CHD6: variants seen among roughly 807,000 people sequenced by gnomAD.
CHD6 encodes ATP-dependent chromatin remodeler CHD6.
In CHD6, 50 loss-of-function variants were observed where a neutral mutation model predicts 276.9. That is an observed-to-expected ratio of 0.18 (90% CI 0.14 to 0.23). The LOEUF (loss-of-function observed/expected upper bound fraction) is 0.23. Ranked by LOEUF, CHD6 falls within the 10% of genes least tolerant of loss-of-function variation. The pLI is 1.00. For missense variants in CHD6, 2,564 were observed against 3,365.8 expected, an observed-to-expected ratio of 0.76 and a Z score of 5.89; for synonymous variants, 1,173 against 1,229.3, an observed-to-expected ratio of 0.95 and a Z score of 0.96.
intron 17 of CHD6, among the ~76,000 whole-genome samples, chr20:41,457,822 A>G (rs1036487730): frequency 6.6e-6 from 1 of 152,152 alleles, no homozygotes; most frequent in Non-Finnish European, 1.5e-5. Flanking sequence ...TGCTACTGAA[A>G]TTTTCAAACA....
chr20:41,499,571 T>C (rs1311659348), intron 5 of CHD6, among the ~76,000 whole-genome samples: 2 of 152,178 alleles, frequency 1.3e-5, no homozygotes, highest in Non-Finnish European at 2.9e-5. Context: ...GACACAACTC[T>C]ACAAGAGCAG....
At position 41,484,348 on chromosome 20, in the gene CHD6, T is replaced by G. The variant is rs950822012; in HGVS notation, c.2257+4A>C. Reference sequence around the variant, plus strand: ...TGAGTTACTTCCTAGTGCCCCTGACTCACCATTGATCAGGTAGGGATGGTT... The same window carrying G: ...TGAGTTACTTCCTAGTGCCCCTGACGCACCATTGATCAGGTAGGGATGGTT... On this transcript the variant is annotated splice_donor_region_variant and intron_variant, in intron 15 of 36. Transcript: ENST00000373233. 1 of 1,613,702 alleles carries G rather than the reference T, an allele frequency of 6.2e-7. No homozygotes were observed. Among genetic ancestry groups the G allele is most frequent in the Non-Finnish European group, 8.5e-7 (1 of 1,179,714 alleles).
chr20:41,405,210 C>A lies in CHD6; in HGVS notation c.7531G>T (p.Val2511Phe). 1.2e-6 allele frequency: 2 copies of A among 1,614,224 alleles called. No individual in the cohort carries two copies. The highest frequency in any genetic ancestry group is 1.7e-6 in the Non-Finnish European group (2 of 1,180,042). Reference sequence around the variant, plus strand: ...GGCAGCATGCTCAGGGTACTTTTGACCTCTTCACCTGTTGGCATCGTGGCA... The same window carrying A: ...GGCAGCATGCTCAGGGTACTTTTGAACTCTTCACCTGTTGGCATCGTGGCA... ...GFATMPTGEE[V>F]KSTLSMLPMM... The change falls in exon 37 of 37, where the codon GTC becomes TTC. Residue 2511 changes from valine to phenylalanine, a missense_variant. By Grantham distance (50) the Val-to-Phe change is conservative. This residue lies in a region of CHD6 where 238 missense variants were observed against 266.0 expected (regional missense o/e 0.89). Coordinates refer to ENST00000373233, the MANE Select transcript of CHD6 (RefSeq NM_032221.5).
chr20:41,616,010 G>A (rs2045931817), intron 1 of CHD6, among the ~76,000 whole-genome samples: 1 of 152,166 alleles, frequency 6.6e-6, no homozygotes. Context: ...AATAAGATGT[G>A]GCTTCTAATG....
In CHD6 at chr20:41,426,430, C is replaced by T. The variant is rs1001217360; in HGVS notation, c.4069-277G>A. Among the ~76,000 whole-genome samples the T allele has an allele frequency of 2.0e-5, 3 of 152,138 alleles. No individual in the cohort carries two copies. The South Asian group carries it at 6.2e-4, about 32-fold the overall frequency. On this transcript the variant is annotated intron_variant, in intron 27 of 36. Transcript: ENST00000373233. Reference sequence around the variant, plus strand: ...CGGCTTGAGCAATGATGAACTGGCACGCTCTCTCTGGCAATTACATTTTAC... The same window carrying T: ...CGGCTTGAGCAATGATGAACTGGCATGCTCTCTCTGGCAATTACATTTTAC...
At chr20:41,549,683 A>G (rs2045115013) in intron 2 of CHD6, among the ~76,000 whole-genome samples, 1 of 150,718 alleles carries the variant, frequency 6.6e-6, no homozygotes, top group Non-Finnish European at 1.5e-5. Flanking sequence ...TGGGTCCATA[A>G]AAAAAAAAGC....
chr20:41,488,680 A>G, intron 12 of CHD6, 76 bp from the exon 13 acceptor site: 1 of 1,311,654 alleles, frequency 7.6e-7, no homozygotes. Context: ...GGACTACAGG[A>G]GGCAGCACTA....
At chr20:41,431,124 G>T (rs1484021081) in intron 27 of CHD6, among the ~76,000 whole-genome samples, 1 of 152,166 alleles carries the variant, frequency 6.6e-6, no homozygotes, top group Non-Finnish European at 1.5e-5. Context: ...GAGCCACTGC[G>T]CCTGGCCCAG....
Position 41,404,939 on chromosome 20 carries a change from A to G in CHD6, c.7802T>C (p.Ile2601Thr), listed in dbSNP as rs748647992. 45 of 1,614,180 alleles carry G rather than the reference A, an allele frequency of 2.8e-5. No individual in the cohort carries two copies. Among genetic ancestry groups the G allele is most frequent in the Non-Finnish European group, 3.7e-5 (44 of 1,180,030 alleles). ...AAAAGCCACAGGACTACTAGTAGTTATTGCAGGTTCAGACTGATCAGAAAA... is the reference window on the plus strand; with the variant it reads ...AAAAGCCACAGGACTACTAGTAGTTGTTGCAGGTTCAGACTGATCAGAAAA... ...GPFSDQSEPA[I>T]TTSSPVAFNP... is the part of the protein sequence containing the mutation. Residue 2601 changes from isoleucine to threonine, a missense_variant, in exon 37 of 37, where the codon ATA becomes ACA. By Grantham distance (89) the Ile-to-Thr change is moderately conservative. Around this residue, in one of 7 missense-constraint regions of CHD6, gnomAD observed 238 missense variants for 266.0 expected, o/e 0.89. Transcript: ENST00000373233.
intron 36 of CHD6, among the ~76,000 whole-genome samples, chr20:41,406,510 C>A (rs2046679977): frequency 6.6e-6 from 1 of 152,232 alleles, no homozygotes; most frequent in South Asian, 2.1e-4. Flanking sequence ...AAGGAAGGCG[C>A]AGGCTGCAGC....
intron 17 of CHD6, among the ~76,000 whole-genome samples, chr20:41,466,578 A>C (rs766989851): frequency 5.4e-4 from 83 of 152,296 alleles, no homozygotes; most frequent in Middle Eastern, 3.4e-3. Context: ...TAAGGAAGTG[A>C]TCATGGTGAA....
intron 18 of CHD6, 115 bp from the exon 19 acceptor site, chr20:41,456,094 C>G: frequency 9.9e-7 from 1 of 1,010,964 alleles, no homozygotes; most frequent in Non-Finnish European, 1.4e-6. Flanking sequence ...CATGTTAGAA[C>G]AAAGGACGTG....
chr20:41,455,620 T>TCCCTA (rs1252045170), intron 19 of CHD6, among the ~76,000 whole-genome samples, 180 bp downstream of exon 19: 1 of 152,206 alleles, frequency 6.6e-6, no homozygotes, highest in Non-Finnish European at 1.5e-5. Context: ...AGTCCCTGAC[T>TCCCTA]CCCTATTCAG....
chr20:41,531,269 T>C (rs1211651671), intron 3 of CHD6, among the ~76,000 whole-genome samples: 1 of 152,192 alleles, frequency 6.6e-6, no homozygotes, highest in Non-Finnish European at 1.5e-5. Flanking sequence ...AGACTTCTTA[T>C]TAGGGCTATA....
At chr20:41,520,979 G>T (rs199935074) in intron 3 of CHD6, among the ~76,000 whole-genome samples, 1 of 131,920 alleles carries the variant, frequency 7.6e-6, no homozygotes, top group African/African-American at 3.2e-5. Flanking sequence ...AAAAGAAACA[G>T]AGGAAGGGTA....
intron 33 of CHD6, 115 bp from the exon 34 acceptor site, chr20:41,415,753 G>C: frequency 1.3e-6 from 1 of 792,068 alleles, no homozygotes; most frequent in East Asian, 2.6e-5. Flanking sequence ...CATCTTTTTA[G>C]GAGTTCTTCT....
chr20:41,471,151 T>A (rs1047230223), intron 17 of CHD6, among the ~76,000 whole-genome samples: 1 of 152,238 alleles, frequency 6.6e-6, no homozygotes, highest in African/African-American at 2.4e-5. Context: ...AACTACTCAA[T>A]TCTGCCACTG....
intron 30 of CHD6, among the ~76,000 whole-genome samples, chr20:41,422,465 C>T (rs143732250): frequency 7.2e-4 from 109 of 151,676 alleles, no homozygotes; most frequent in South Asian, 1.7e-3. Context: ...AAAGTGAGAC[C>T]CCACCCCCCA....
chr20:41,511,251 T>C (rs2044111047), intron 5 of CHD6, among the ~76,000 whole-genome samples: 1 of 152,242 alleles, frequency 6.6e-6, no homozygotes, highest in East Asian at 1.9e-4. Context: ...TTTGTGCTGC[T>C]ACTGCTCCAT....
Sources: gnomAD v4.1 joint callset for allele counts (sites outside exome capture counted in the v4.1 genomes callset) on GRCh38, gnomAD v4.1.1 for gene constraint, gnomAD v4.1.1 regional missense constraint, MANE v1.5 for transcripts, NCBI Gene and HGNC (gene_info 2026-07-23, HGNC 2026-07-21) for gene names.